MYEF2: variants seen among roughly 807,000 people sequenced by gnomAD.
The protein encoded by MYEF2 is myelin expression factor 2, also known as myelin gene expression factor 2.
Under a neutral mutation model 75.2 loss-of-function variants are expected in MYEF2, and 37 were observed. That is an observed-to-expected ratio of 0.49 (90% CI 0.38 to 0.65). The LOEUF (loss-of-function observed/expected upper bound fraction) is 0.65, where lower values mean the gene tolerates loss of function less well. Ranked by LOEUF, MYEF2 falls within the 30% of genes least tolerant of loss-of-function variation. The probability of loss-of-function intolerance (pLI) is 0.00; values close to 1 mark genes in which losing one functional copy is unlikely to be tolerated. For missense variants in MYEF2, 634 were observed against 771.4 expected (o/e 0.82, Z 2.11); for synonymous variants, 195 against 241.6 (o/e 0.81, Z 1.79).
chr15:48,158,227 G>A lies in MYEF2; in HGVS notation c.872-3C>T, dbSNP rs2039779866. ...TAAAAACTGCCCATTGAACATAGCT[G>A]TTGGTTCAGTCAAGGAAAGTCAGTT... On this transcript the variant is annotated splice_polypyrimidine_tract_variant and splice_region_variant and intron_variant, in intron 7 of 16. Coordinates refer to ENST00000324324, the MANE Select transcript of MYEF2 (RefSeq NM_016132.5). The A allele has an allele frequency of 1.2e-6, 2 of 1,612,416 alleles. No individual in the cohort carries two copies. Among genetic ancestry groups the A allele is most frequent in the Admixed American group, 1.7e-5 (1 of 59,868 alleles).
chr15:48,164,283 T>C (rs1245801023), intron 5 of MYEF2, among the ~76,000 whole-genome samples: 1 of 152,178 alleles, frequency 6.6e-6, no homozygotes, highest in Non-Finnish European at 1.5e-5. Flanking sequence ...AAGATTTCAA[T>C]GGTGGATGTA....
intron 5 of MYEF2, among the ~76,000 whole-genome samples, chr15:48,164,099 T>C (rs771717580): frequency 2.6e-5 from 4 of 152,204 alleles, no homozygotes; most frequent in Admixed American, 6.5e-5. Context: ...ATTGCTGTCA[T>C]AGACAGTGAT....
chr15:48,177,850 C>T (rs897654078), intron 1 of MYEF2, among the ~76,000 whole-genome samples: 3 of 152,134 alleles, frequency 2.0e-5, no homozygotes, highest in Non-Finnish European at 2.9e-5. Flanking sequence ...GCGCTGGTCC[C>T]CGGGCCCCCA....
Position 48,142,484 on chromosome 15 carries a change from C to G in MYEF2, c.*424G>C. 1.6e-6 allele frequency: 1 copy of G among 641,146 alleles called. No individual in the cohort carries two copies. Among genetic ancestry groups the G allele is most frequent in the Non-Finnish European group, 2.4e-6 (1 of 419,116 alleles). 39.7% of individuals were successfully genotyped at this position (641,146 alleles called of 1,614,324 possible). ...AAAACTTACAGTAATTTAAAACCAACCAAAATCACATCCTAATTTTTCTGA... is the reference window on the plus strand; with the variant it reads ...AAAACTTACAGTAATTTAAAACCAAGCAAAATCACATCCTAATTTTTCTGA... On this transcript the variant is annotated 3_prime_UTR_variant, in exon 17 of 17. Transcript: ENST00000324324.
chr15:48,164,854 G>T (rs2040078259), intron 5 of MYEF2, among the ~76,000 whole-genome samples: 1 of 152,142 alleles, frequency 6.6e-6, no homozygotes, highest in Non-Finnish European at 1.5e-5. Context: ...TAGACATAAT[G>T]CTATTGCACA....
chr15:48,171,659 G>C (rs1021285190), intron 1 of MYEF2, among the ~76,000 whole-genome samples: 1 of 152,028 alleles, frequency 6.6e-6, no homozygotes, highest in Non-Finnish European at 1.5e-5. Context: ...CTACAGGGAT[G>C]ATCTAATTAT....
intron 9 of MYEF2, among the ~76,000 whole-genome samples, chr15:48,156,566 C>T (rs887651046): frequency 6.7e-6 from 1 of 149,416 alleles, no homozygotes; most frequent in East Asian, 2.0e-4. Context: ...CCAGAAACAA[C>T]AGAGGAAGGC....
At chr15:48,176,068 C>T (rs908233935) in intron 1 of MYEF2, among the ~76,000 whole-genome samples, 10 of 152,128 alleles carry the variant, frequency 6.6e-5, no homozygotes, top group Admixed American at 2.0e-4. Flanking sequence ...ACAAGCAGTA[C>T]TCTGTTCAAT....
chr15:48,165,465 TATA>T (rs1318265269), intron 5 of MYEF2, among the ~76,000 whole-genome samples: 1 of 152,074 alleles, frequency 6.6e-6, no homozygotes, highest in Non-Finnish European at 1.5e-5. Context: ...CTAACAAAGT[TATA>T]ATTTTTCTTA....
rs909314677 is a variant in MYEF2 at position 48,135,786 on chromosome 15, A to G, written c.*7122T>C. On this transcript the variant is annotated 3_prime_UTR_variant, in exon 17 of 17. Coordinates refer to ENST00000324324, the MANE Select transcript of MYEF2 (RefSeq NM_016132.5). Reference sequence around the variant, plus strand: ...ACGGCGTAATACCTGCTATCAAGAAACTTAAAACCTAGCCAGAAGCATAAT... The same window carrying G: ...ACGGCGTAATACCTGCTATCAAGAAGCTTAAAACCTAGCCAGAAGCATAAT... 3 of 152,234 alleles carry G rather than the reference A, an allele frequency of 2.0e-5. No individual in the cohort carries two copies. Among genetic ancestry groups the G allele is most frequent in the Admixed American group, 2.0e-4 (3 of 15,264 alleles). The allele number at this position is 152,234 out of a possible 1,614,324, so 9.4% of individuals were successfully genotyped here. A position where few individuals can be genotyped will look rare whatever the true frequency, so the allele number is the denominator to read the frequency against.
Position 48,140,931 on chromosome 15 carries a change from C to T in MYEF2, c.*1977G>A. On this transcript the variant is annotated 3_prime_UTR_variant, in exon 17 of 17. Transcript: ENST00000324324. ...TAAAAATCTGTGCTACCTGGGTTAC[C>T]CGAATTACCAGCCTGATTCAAATAT... The T allele has an allele frequency of 4.0e-6, 2 of 499,178 alleles. No homozygotes were observed. The highest frequency in any genetic ancestry group is 1.9e-5 in the African/African-American group (1 of 51,308). The allele number at this position is 499,178 out of a possible 1,614,324, so 30.9% of individuals were successfully genotyped here. A position where few individuals can be genotyped will look rare whatever the true frequency, so the allele number is the denominator to read the frequency against.
intron 9 of MYEF2, 62 bp from the exon 10 acceptor site, chr15:48,153,955 A>T: frequency 7.0e-7 from 1 of 1,418,568 alleles, no homozygotes; most frequent in Non-Finnish European, 9.7e-7. Flanking sequence ...ATTGGCAATA[A>T]AATTTTTTAA....
At position 48,136,254 on chromosome 15, in the gene MYEF2, A is replaced by C. The variant is rs2038896460; in HGVS notation, c.*6654T>G. On this transcript the variant is annotated 3_prime_UTR_variant, in exon 17 of 17. Transcript: ENST00000324324. ...TATACCAGAAAACTTGGACAGTTGA[A>C]ATAACTTAACAGTTACTATATTATT... The C allele has an allele frequency of 6.6e-6, 1 of 152,610 alleles. No individual in the cohort carries two copies. Among genetic ancestry groups the C allele is most frequent in the South Asian group, 2.1e-4 (1 of 4,838 alleles). 9.5% of individuals were successfully genotyped at this position (152,610 alleles called of 1,614,324 possible).
At chr15:48,168,023 G>C (rs749452273) in intron 2 of MYEF2, among the ~76,000 whole-genome samples, 7 of 151,874 alleles carry the variant, frequency 4.6e-5, no homozygotes, top group Non-Finnish European at 1.0e-4. Context: ...AATTTTTCAA[G>C]AGATAACAAA....
chr15:48,164,909 A>C (rs1415439836), intron 5 of MYEF2, among the ~76,000 whole-genome samples: 2 of 152,212 alleles, frequency 1.3e-5, no homozygotes, highest in Non-Finnish European at 2.9e-5. Flanking sequence ...TGTGTACTGC[A>C]AAACCAAAAC....
Position 48,141,637 on chromosome 15 carries a change from A to AG in MYEF2, c.*1270dup, listed in dbSNP as rs948480063. On this transcript the variant is annotated 3_prime_UTR_variant, in exon 17 of 17. Coordinates refer to ENST00000324324, the MANE Select transcript of MYEF2 (RefSeq NM_016132.5). ...TTACTTCCTCAGTAACATACTTTGA[A>AG]GGGGGAAAAAAGTGACTCCAGAGGA... 6.1e-6 allele frequency: 1 copy of AG among 165,216 alleles called. No individual in the cohort carries two copies. The highest frequency in any genetic ancestry group is 2.4e-5 in the African/African-American group (1 of 41,782). The allele number at this position is 165,216 out of a possible 1,614,324, so 10.2% of individuals were successfully genotyped here.
intron 1 of MYEF2, among the ~76,000 whole-genome samples, chr15:48,174,233 G>A (rs2040436297): frequency 1.3e-5 from 2 of 151,972 alleles, no homozygotes; most frequent in Non-Finnish European, 2.9e-5. Flanking sequence ...AATATACAAT[G>A]GTGAAAGGAC....
At position 48,137,218 on chromosome 15, in the gene MYEF2, C is replaced by A; in HGVS notation, c.*5690G>T. The A allele has an allele frequency of 7.7e-6, 3 of 389,982 alleles. No homozygotes were observed. The highest frequency in any genetic ancestry group is 1.4e-5 in the Non-Finnish European group (3 of 219,154). 24.2% of individuals were successfully genotyped at this position (389,982 alleles called of 1,614,324 possible). A position where few individuals can be genotyped will look rare whatever the true frequency, so the allele number is the denominator to read the frequency against. On this transcript the variant is annotated 3_prime_UTR_variant, in exon 17 of 17. Coordinates refer to ENST00000324324, the MANE Select transcript of MYEF2 (RefSeq NM_016132.5). ...TGTGGTTCACAAATGGGACAGATTGCCAAAATGTGGTGAGGACAGATAGGA... is the reference window on the plus strand; with the variant it reads ...TGTGGTTCACAAATGGGACAGATTGACAAAATGTGGTGAGGACAGATAGGA...
chr15:48,151,781 T>C, intron 12 of MYEF2, 93 bp downstream of exon 12: 2 of 1,452,802 alleles, frequency 1.4e-6, no homozygotes, highest in East Asian at 4.6e-5. Context: ...TCTGAAGACA[T>C]TTTTAGCACA....
Sources: gnomAD v4.1 joint callset for allele counts (sites outside exome capture counted in the v4.1 genomes callset) on GRCh38, gnomAD v4.1.1 for gene constraint, MANE v1.5 for transcripts, NCBI Gene and HGNC (gene_info 2026-07-23, HGNC 2026-07-21) for gene names.